ABCC8: variants seen among roughly 807,000 people sequenced by gnomAD.
ABCC8 encodes ATP-binding cassette sub-family C member 8.
Under a neutral mutation model 188.0 loss-of-function variants are expected in ABCC8, and 137 were observed. That is an observed-to-expected ratio of 0.73 (90% CI 0.63 to 0.84). ABCC8 has a LOEUF of 0.84. ABCC8 is among the 40% of genes least tolerant of loss of function. The pLI, the probability that ABCC8 is intolerant of heterozygous loss-of-function variation, is 0.00. For missense variants in ABCC8, 1,750 were observed against 2,072.7 expected (o/e 0.84, Z 3.02); for synonymous variants, 797 against 846.5 (o/e 0.94, Z 1.01).
chr11:17,428,639 C>A lies in ABCC8; in HGVS notation c.1849G>T (p.Ala617Ser). ...VQKLSEFLSSAEIREEQCAPH... is the reference protein window; with the variant it reads ...VQKLSEFLSSSEIREEQCAPH... ...GCACACTGCTCCTCACGGATCTCTGCACTGGACAGGAACTCGCTTAGCTTT... is the reference window on the plus strand; with the variant it reads ...GCACACTGCTCCTCACGGATCTCTGAACTGGACAGGAACTCGCTTAGCTTT... Residue 617 changes from alanine (A) to serine (S), a missense_variant, in exon 13 of 39, where the codon GCA becomes TCA. By Grantham distance (99) the Ala-to-Ser change is moderately conservative. Coordinates refer to ENST00000389817, the MANE Select transcript of ABCC8 (RefSeq NM_000352.6). 1 of 1,613,944 alleles carries A rather than the reference C, an allele frequency of 6.2e-7. No individual in the cohort carries two copies. Among genetic ancestry groups the A allele is most frequent in the Non-Finnish European group, 8.5e-7 (1 of 1,180,040 alleles).
intron 10 of ABCC8, among the ~76,000 whole-genome samples, chr11:17,434,113 C>T (rs1016303462): frequency 3.3e-5 from 5 of 152,148 alleles, no homozygotes; most frequent in East Asian, 1.9e-4. Context: ...GAGGTAGCCT[C>T]GCCCCTCCCC....
At chr11:17,439,737 G>A (rs1956240795) in intron 10 of ABCC8, among the ~76,000 whole-genome samples, 1 of 152,166 alleles carries the variant, frequency 6.6e-6, no homozygotes, top group African/African-American at 2.4e-5. Context: ...CTCTTCCAGG[G>A]ACCAACCTGG....
At chr11:17,433,314 A>G (rs1955930603) in intron 10 of ABCC8, among the ~76,000 whole-genome samples, 1 of 152,244 alleles carries the variant, frequency 6.6e-6, no homozygotes, top group South Asian at 2.1e-4. Flanking sequence ...GCCAAATTAA[A>G]GCAGAGGGAC....
chr11:17,460,615 A>C lies in ABCC8; in HGVS notation c.884T>G (p.Phe295Cys). 3.1e-6 allele frequency: 5 copies of C among 1,612,978 alleles called. No individual in the cohort carries two copies. The highest frequency in any genetic ancestry group is 4.2e-6 in the Non-Finnish European group (5 of 1,180,034). The change falls in exon 6 of 39, where the codon TTC (phenylalanine) becomes TGC (cysteine). Residue 295 changes from phenylalanine to cysteine, a missense_variant. Phe to Cys is a radical substitution (Grantham distance 205). Coordinates refer to ENST00000389817, the MANE Select transcript of ABCC8 (RefSeq NM_000352.6). ...GCTGCTGAGGACCAGGCGCCTCCCG[A>C]AGGCATGGCTGAGTGCCTGCCAGAT... is the stretch of plus-strand genomic sequence containing the variant. Reference protein sequence around the residue: ...RAIWQALSHAFGRRLVLSSTF... With the variant: ...RAIWQALSHACGRRLVLSSTF...
At chr11:17,394,114 A>G in intron 37 of ABCC8, 152 bp downstream of exon 37, 1 of 1,057,632 alleles carries the variant, frequency 9.5e-7, no homozygotes, top group Non-Finnish European at 1.4e-6. Flanking sequence ...AGACAGAGTC[A>G]GGGTCCCCCC....
In ABCC8 at chr11:17,427,266, C is replaced by T; in HGVS notation, c.2117-112G>A. ...CAACCCTGGGGCCCCTGTTTTCTTT[C>T]TTCCTACCTAGAATCCCCAGCAAGT... On this transcript the variant is annotated intron_variant, in intron 15 of 38. Coordinates refer to ENST00000389817, the MANE Select transcript of ABCC8 (RefSeq NM_000352.6). The surrounding 1 kb of genome is among the most constrained non-coding windows in gnomAD (Gnocchi z 5.0). 7.3e-7 allele frequency: 1 copy of T among 1,375,792 alleles called. No homozygotes were observed. Among genetic ancestry groups the T allele is most frequent in the Non-Finnish European group, 9.4e-7 (1 of 1,066,010 alleles). The allele number at this position is 1,375,792 out of a possible 1,614,324, so 85.2% of individuals were successfully genotyped here.
intron 10 of ABCC8, among the ~76,000 whole-genome samples, chr11:17,437,781 A>C (rs1402192602): frequency 6.6e-6 from 1 of 152,190 alleles, no homozygotes; most frequent in African/African-American, 2.4e-5. Context: ...GGCTGCACCA[A>C]CTGGCAGAAG....
intron 2 of ABCC8, among the ~76,000 whole-genome samples, chr11:17,473,663 G>A (rs73429055): frequency 0.02 from 2,969 of 152,026 alleles, 107 homozygotes; most frequent in African/African-American, 0.069. Context: ...GGCTGCTCCC[G>A]CTCCTCTTCT....
At chr11:17,475,702 C>G (rs1318450443) in intron 1 of ABCC8, among the ~76,000 whole-genome samples, 1 of 152,246 alleles carries the variant, frequency 6.6e-6, no homozygotes, top group Non-Finnish European at 1.5e-5. Context: ...TAACTAGCAA[C>G]TCTGCTTCTG....
In ABCC8 at chr11:17,474,954, C is replaced by A. The variant is rs745544561; in HGVS notation, c.222G>T (p.Arg74=). ...AGAGCAGCATGAAGGTCAGGATCCA[C>A]CGCAGGTTGTGCCCAGGGAAATGAA... The part of the protein sequence containing the change: ...TWLHFPGHNL[R]WILTFMLLFV... The change falls in exon 2 of 39, where the codon CGG becomes CGT. Residue 74 remains arginine (R), a synonymous_variant. Transcript: ENST00000389817. 2.5e-6 allele frequency: 4 copies of A among 1,614,192 alleles called. No homozygotes were observed. The East Asian group carries it at 8.9e-5, about 36-fold the overall frequency.
chr11:17,467,417 G>T (rs1848233687), intron 3 of ABCC8, among the ~76,000 whole-genome samples: 1 of 152,018 alleles, frequency 6.6e-6, no homozygotes, highest in African/African-American at 2.4e-5. Context: ...AAAACCCAAA[G>T]TCCAGCTCCC....
In ABCC8 at chr11:17,397,176, C is replaced by A. The variant is rs749300319; in HGVS notation, c.3988+17G>T. 1 of 1,613,550 alleles carries A rather than the reference C, an allele frequency of 6.2e-7. No homozygotes were observed. The highest frequency in any genetic ancestry group is 8.5e-7 in the Non-Finnish European group (1 of 1,180,006). On this transcript the variant is annotated intron_variant, in intron 32 of 38. Transcript: ENST00000389817. Reference sequence around the variant, plus strand: ...CCTCCTTGGACTCTTCCCCACCCCTCTCCCTGAGCCTCTCACCCAGGAGCC... The same window carrying A: ...CCTCCTTGGACTCTTCCCCACCCCTATCCCTGAGCCTCTCACCCAGGAGCC...
Position 17,463,614 on chromosome 11 carries a change from A to C in ABCC8, c.413-10T>G. 1 of 1,566,722 alleles carries C rather than the reference A, an allele frequency of 6.4e-7. No homozygotes were observed. Among genetic ancestry groups the C allele is most frequent in the Non-Finnish European group, 8.7e-7 (1 of 1,155,198 alleles). On this transcript the variant is annotated splice_polypyrimidine_tract_variant and intron_variant, in intron 3 of 38. Transcript: ENST00000389817. Reference sequence around the variant, plus strand: ...CAATACACCAGCAGGGCTGCCGAGGAGAGATGGAAGATCGCAGAGACGTGT... The same window carrying C: ...CAATACACCAGCAGGGCTGCCGAGGCGAGATGGAAGATCGCAGAGACGTGT...
In ABCC8 at chr11:17,440,696, C is replaced by T. The variant is rs1025234439; in HGVS notation, c.1630+2024G>A. Among the ~76,000 whole-genome samples, 68 of 152,376 alleles carry T rather than the reference C, an allele frequency of 4.5e-4. 1 individual carries two copies. Among genetic ancestry groups the T allele is most frequent in the Admixed American group, 3.9e-4 (6 of 15,304 alleles). ...GCACCATGTATGGCAGACGGCCCAG[C>T]CACTGATGACTGGACCACATTCCCT... On this transcript the variant is annotated intron_variant, in intron 10 of 38. Transcript: ENST00000389817.
intron 18 of ABCC8, 101 bp from the exon 19 acceptor site, chr11:17,414,711 A>T: frequency 6.3e-7 from 1 of 1,578,896 alleles, no homozygotes; most frequent in Non-Finnish European, 8.6e-7. Context: ...AGGCAAGGGG[A>T]TGGGGAGGTG....
chr11:17,453,664 C>T (rs1956893413), intron 6 of ABCC8, among the ~76,000 whole-genome samples: 1 of 152,186 alleles, frequency 6.6e-6, no homozygotes, highest in African/African-American at 2.4e-5. Flanking sequence ...GGTGCATGTT[C>T]TCTGCTACAG....
At chr11:17,438,537 T>C (rs12417170) in intron 10 of ABCC8, among the ~76,000 whole-genome samples, 1 of 152,036 alleles carries the variant, frequency 6.6e-6, no homozygotes, top group Non-Finnish European at 1.5e-5. Context: ...ACTGGCAGCA[T>C]ATCGAGTGCT....
At chr11:17,474,353 T>A (rs751087769) in intron 2 of ABCC8, among the ~76,000 whole-genome samples, 2 of 152,142 alleles carry the variant, frequency 1.3e-5, no homozygotes, top group Admixed American at 1.3e-4. Flanking sequence ...TACAGTGTGA[T>A]CTGTGCTGTA....
chr11:17,463,785 C>T (rs1037552526), intron 3 of ABCC8, 181 bp from the exon 4 acceptor site: 5 of 239,330 alleles, frequency 2.1e-5, no homozygotes, highest in Middle Eastern at 2.0e-3. Context: ...AGATGACGCA[C>T]GTACGTCTTA....
Sources: gnomAD v4.1 joint callset for allele counts (sites outside exome capture counted in the v4.1 genomes callset) on GRCh38, gnomAD v4.1.1 for gene constraint, Gnocchi (gnomAD v3.1) non-coding constraint, MANE v1.5 for transcripts, NCBI Gene and HGNC (gene_info 2026-07-23, HGNC 2026-07-21) for gene names.